DENND4A: variants seen among roughly 807,000 people sequenced by gnomAD.
DENND4A encodes C-myc promoter-binding protein.
A neutral mutation model predicts 199.3 loss-of-function variants in DENND4A; 70 were observed. The ratio of observed to expected loss-of-function variants is 0.35; its 90% CI spans 0.29 to 0.43. DENND4A has a LOEUF of 0.43. Ranked by LOEUF, DENND4A falls within the 20% of genes least tolerant of loss-of-function variation. The pLI is 1.00. For missense variants in DENND4A, 1,723 were observed against 2,255.8 expected, an observed-to-expected ratio of 0.76 and a Z score of 4.78; for synonymous variants, 686 against 766.9, an observed-to-expected ratio of 0.89 and a Z score of 1.74.
At chr15:65,791,271 G>A (rs2077711538) in intron 1 of DENND4A, among the ~76,000 whole-genome samples, 1 of 152,144 alleles carries the variant, frequency 6.6e-6, no homozygotes, top group Non-Finnish European at 1.5e-5. Context: ...TGAATTAAAA[G>A]CACATTGGAA....
chr15:65,689,208 C>T (rs1324216291), intron 23 of DENND4A, among the ~76,000 whole-genome samples: 3 of 152,092 alleles, frequency 2.0e-5, no homozygotes, highest in Non-Finnish European at 4.4e-5. Flanking sequence ...GTGAAATCTT[C>T]CATCTTTACA....
At chr15:65,713,935 C>G (rs1486791174) in intron 14 of DENND4A, among the ~76,000 whole-genome samples, 1 of 152,058 alleles carries the variant, frequency 6.6e-6, no homozygotes. Flanking sequence ...TCTCAATGTA[C>G]AGAGGTAGGG....
intron 1 of DENND4A, among the ~76,000 whole-genome samples, chr15:65,786,681 T>C (rs1396035647): frequency 1.3e-5 from 2 of 152,252 alleles, no homozygotes; most frequent in East Asian, 3.8e-4. Context: ...ATGAGGACAC[T>C]GAGGCATGTA....
At chr15:65,687,883 TTC>T (rs1357584112) in intron 23 of DENND4A, among the ~76,000 whole-genome samples, 1 of 152,214 alleles carries the variant, frequency 6.6e-6, no homozygotes, top group African/African-American at 2.4e-5. Flanking sequence ...TTGAGTTTAA[TTC>T]TGTCTGTAAT....
chr15:65,737,047 A>G (rs1273858961), intron 7 of DENND4A, among the ~76,000 whole-genome samples: 1 of 152,074 alleles, frequency 6.6e-6, no homozygotes, highest in South Asian at 2.1e-4. Context: ...TACATTCATT[A>G]TATGTAAATA....
At position 65,660,056 on chromosome 15, in the gene DENND4A, C is replaced by T. The variant is rs1421072348; in HGVS notation, c.*1795G>A. The T allele has an allele frequency of 1.1e-5, 5 of 460,922 alleles. No individual in the cohort carries two copies. Among genetic ancestry groups the T allele is most frequent in the South Asian group, 3.6e-5 (1 of 27,994 alleles). 28.6% of individuals were successfully genotyped at this position (460,922 alleles called of 1,614,324 possible). A position where few individuals can be genotyped will look rare whatever the true frequency, so the allele number is the denominator to read the frequency against. On this transcript the variant is annotated 3_prime_UTR_variant, in exon 33 of 33. Coordinates refer to ENST00000443035, the MANE Select transcript of DENND4A (RefSeq NM_001320835.1). ...ATCACCAGTGCCAAAAGCCTCCCCC[C>T]TCTGAAATGTTTCTCTCAGTTGACA...
chr15:65,726,343 C>G (rs1464623256), intron 11 of DENND4A, among the ~76,000 whole-genome samples: 1 of 151,962 alleles, frequency 6.6e-6, no homozygotes, highest in Non-Finnish European at 1.5e-5. Flanking sequence ...ACACTCTTAC[C>G]ACTGTTAATT....
intron 4 of DENND4A, among the ~76,000 whole-genome samples, chr15:65,751,679 G>A (rs954621596): frequency 2.0e-5 from 3 of 152,128 alleles, no homozygotes; most frequent in African/African-American, 7.2e-5. Context: ...CCTAAGAAGA[G>A]AGTATATTTC....
chr15:65,723,004 G>A (rs1360372513), intron 11 of DENND4A, 56 bp from the exon 12 acceptor site: 3 of 1,328,326 alleles, frequency 2.3e-6, no homozygotes, highest in East Asian at 5.2e-5. Flanking sequence ...GGAGGGGAAA[G>A]GTATATATCT....
At chr15:65,766,677 A>G (rs2076995907) in intron 1 of DENND4A, 1 of 152,222 alleles carries the variant, frequency 6.6e-6, no homozygotes, top group Admixed American at 6.5e-5. Flanking sequence ...CTACACACAG[A>G]CATATATAGG....
intron 7 of DENND4A, 64 bp from the exon 8 acceptor site, chr15:65,732,882 T>C (rs1029796227): frequency 3.1e-6 from 3 of 978,028 alleles, no homozygotes; most frequent in East Asian, 2.5e-5. Flanking sequence ...AAGCTCAACA[T>C]GTCATCACAA....
At position 65,660,034 on chromosome 15, in the gene DENND4A, A is replaced by C; in HGVS notation, c.*1817T>G. 1 of 420,402 alleles carries C rather than the reference A, an allele frequency of 2.4e-6. No homozygotes were observed. Among genetic ancestry groups the C allele is most frequent in the Non-Finnish European group, 4.3e-6 (1 of 235,004 alleles). The allele number at this position is 420,402 out of a possible 1,614,324, so 26.0% of individuals were successfully genotyped here. On this transcript the variant is annotated 3_prime_UTR_variant, in exon 33 of 33. Coordinates refer to ENST00000443035, the MANE Select transcript of DENND4A (RefSeq NM_001320835.1). ...CGGTTCTCTTGGAGGGATGTTTATC[A>C]CCAGTGCCAAAAGCCTCCCCCCTCT...
intron 32 of DENND4A, among the ~76,000 whole-genome samples, chr15:65,664,092 G>A (rs953380495): frequency 6.6e-6 from 1 of 151,998 alleles, no homozygotes; most frequent in African/African-American, 2.4e-5. Context: ...TCACAAGATT[G>A]TACAACTATC....
intron 1 of DENND4A, chr15:65,766,713 A>T (rs2076997054): frequency 6.6e-6 from 1 of 152,222 alleles, no homozygotes; most frequent in Non-Finnish European, 1.5e-5. Context: ...GAGGGCAGAG[A>T]GTGATCATCC....
chr15:65,680,317 T>C (rs1428798018), intron 23 of DENND4A, among the ~76,000 whole-genome samples: 1 of 152,190 alleles, frequency 6.6e-6, no homozygotes, highest in Non-Finnish European at 1.5e-5. Context: ...GGTATGAAAA[T>C]TTCTCATCTC....
At chr15:65,673,630 GAAAAAAA>G (rs78649250) in intron 24 of DENND4A, among the ~76,000 whole-genome samples, 1 of 110,194 alleles carries the variant, frequency 9.1e-6, no homozygotes, top group Non-Finnish European at 2.0e-5. Flanking sequence ...TAACAAGGAG[GAAAAAAA>G]AAAAAAAAAA....
At chr15:65,676,717 TTATCACC>T in intron 23 of DENND4A, 83 bp from the exon 24 acceptor site, 1 of 1,048,356 alleles carries the variant, frequency 9.5e-7, no homozygotes, top group Non-Finnish European at 1.3e-6. Flanking sequence ...GAAAAAACAC[TTATCACC>T]TAACTACCCA....
chr15:65,768,232 G>A (rs1023619108), intron 1 of DENND4A, among the ~76,000 whole-genome samples: 1 of 152,078 alleles, frequency 6.6e-6, no homozygotes, highest in African/African-American at 2.4e-5. Context: ...CGAACTCCTG[G>A]TCTTGAACTC....
chr15:65,687,359 TTA>T (rs1315160264), intron 23 of DENND4A, among the ~76,000 whole-genome samples: 1 of 152,202 alleles, frequency 6.6e-6, no homozygotes, highest in Non-Finnish European at 1.5e-5. Context: ...TGAGATAATG[TTA>T]CTATTTTTGT....
Sources: allele counts gnomAD v4.1 joint callset (sites outside exome capture counted in the v4.1 genomes callset), GRCh38; gene constraint gnomAD v4.1.1; transcripts MANE v1.5; gene names NCBI Gene and HGNC (gene_info 2026-07-23, HGNC 2026-07-21).